Variants in SLC8A2 observed in about 807,000 individuals in gnomAD.
SLC8A2 encodes the protein sodium/calcium exchanger 2.
A neutral mutation model predicts 70.2 loss-of-function variants in SLC8A2; 14 were observed. The observed-to-expected ratio is 0.20, with a 90% CI of 0.13 to 0.31. The LOEUF is 0.31. Ranked by LOEUF, SLC8A2 falls within the 10% of genes least tolerant of loss-of-function variation. The pLI is 1.00. For synonymous variants in SLC8A2, 575 were observed against 594.3 expected, an observed-to-expected ratio of 0.97 and a Z score of 0.47; for missense variants, 779 against 1,320.1, an observed-to-expected ratio of 0.59 and a Z score of 6.35.
At chr19:47,440,223 A>C (rs1430543430) in intron 6 of SLC8A2, among the ~76,000 whole-genome samples, 1 of 152,086 alleles carries the variant, frequency 6.6e-6, no homozygotes, top group Non-Finnish European at 1.5e-5. Flanking sequence ...TCAAAGTCCA[A>C]CTTTAGCTTT....
At chr19:47,459,672 CATGT>C (rs1388384060) in intron 2 of SLC8A2, among the ~76,000 whole-genome samples, 1 of 148,650 alleles carries the variant, frequency 6.7e-6, no homozygotes, top group Non-Finnish European at 1.5e-5. Flanking sequence ...TGTGTGTGTG[CATGT>C]GTGTGTGTGC....
intron 3 of SLC8A2, among the ~76,000 whole-genome samples, chr19:47,450,887 T>A (rs1430692818): frequency 2.0e-5 from 3 of 152,146 alleles, no homozygotes; most frequent in Non-Finnish European, 4.4e-5. Context: ...GAGGCACAGT[T>A]AGCTAGTGAT....
In SLC8A2 at chr19:47,468,151, TC is replaced by T. The variant is rs1192055186; in HGVS notation, c.-16-1733del. ...AGGTCCTGCCCAACCTGGCCCCGAC[TC>T]CCTCTCTGGCCTCTTTTCCCACCCT... On this transcript the variant is annotated intron_variant, in intron 1 of 9. Coordinates refer to ENST00000236877, the MANE Select transcript of SLC8A2 (RefSeq NM_015063.3). The surrounding 1 kb of genome is among the most constrained non-coding windows in gnomAD (Gnocchi z 5.1). Among the ~76,000 whole-genome samples, 2 of 150,514 alleles carry T rather than the reference TC, an allele frequency of 1.3e-5. No individual in the cohort carries two copies. The highest frequency in any genetic ancestry group is 6.6e-5 in the Admixed American group (1 of 15,068).
At chr19:47,463,799 C>T (rs192715045) in intron 2 of SLC8A2, among the ~76,000 whole-genome samples, 106 of 152,162 alleles carry the variant, frequency 7.0e-4, no homozygotes, top group African/African-American at 2.5e-3. Context: ...CTAACATTTA[C>T]TCTGTTTCAG....
At position 47,447,901 on chromosome 19, in the gene SLC8A2, A is replaced by T; in HGVS notation, c.1671T>A (p.Leu557=). ...CCGTGCCGTCCACCGTGCGGTAGGG[A>T]AGGCGCACGGTGCCGCGCGCGCCCG... ...RSSGARGTVR[L]PYRTVDGTAR... is the part of the protein sequence containing the mutation. Residue 557 remains leucine (L), a synonymous_variant, in exon 4 of 10, where the codon CTT becomes CTA. Coordinates refer to ENST00000236877, the MANE Select transcript of SLC8A2 (RefSeq NM_015063.3). The surrounding 1 kb of genome is among the most constrained non-coding windows in gnomAD (Gnocchi z 5.1). The T allele has an allele frequency of 6.3e-7, 1 of 1,584,300 alleles. No homozygotes were observed. Among genetic ancestry groups the T allele is most frequent in the Non-Finnish European group, 8.6e-7 (1 of 1,167,484 alleles).
At chr19:47,457,863 G>A (rs1431060849) in intron 2 of SLC8A2, among the ~76,000 whole-genome samples, 1 of 137,052 alleles carries the variant, frequency 7.3e-6, no homozygotes, top group African/African-American at 2.8e-5. Context: ...ATTTGAGACA[G>A]AGTCTTTCTC....
At position 47,461,176 on chromosome 19, in the gene SLC8A2, G is replaced by A. The variant is rs532414723; in HGVS notation, c.676-3582C>T. On this transcript the variant is annotated intron_variant, in intron 2 of 9. Transcript: ENST00000236877. The stretch of plus-strand genomic sequence containing the variant: ...CTGCACTCCAGCCTGGCGACCGAGC[G>A]AGACTCTGTTTCAAAAAAAAAAGAG... 9.9e-4 allele frequency among the ~76,000 whole-genome samples: 146 copies of A among 147,536 alleles called. 1 individual carries two copies. Among genetic ancestry groups the A allele is most frequent in the Middle Eastern group, 4.0e-3 (1 of 252 alleles).
At chr19:47,449,687 C>T (rs181762619) in intron 3 of SLC8A2, among the ~76,000 whole-genome samples, 17 of 152,188 alleles carry the variant, frequency 1.1e-4, no homozygotes, top group Admixed American at 6.5e-4. Context: ...ACTGGACAGC[C>T]GGACAGGGGA....
rs551347875 is a variant in SLC8A2 at position 47,457,304 on chromosome 19, G to A, written c.966C>T (p.Leu322=). Residue 322 remains leucine (L), a synonymous_variant, in exon 3 of 10, where the codon CTC becomes CTT. Transcript: ENST00000236877. ...GATCCTTGTCCGGGTGCTTCTGCTT[G>A]AGGTCCTTGAGGATCTGGATGACCT... The part of the protein sequence containing the change: ...RREVIQILKD[L]KQKHPDKDLE... The A allele has an allele frequency of 1.3e-6, 2 of 1,545,462 alleles. No individual in the cohort carries two copies. Among genetic ancestry groups the A allele is most frequent in the Non-Finnish European group, 1.7e-6 (2 of 1,145,128 alleles).
At chr19:47,441,211 A>T in intron 5 of SLC8A2, 25 bp from the exon 6 acceptor site, 1 of 1,612,018 alleles carries the variant, frequency 6.2e-7, no homozygotes, top group Non-Finnish European at 8.5e-7. Flanking sequence ...AGACAGGCAG[A>T]CAGTGAGATC....
intron 2 of SLC8A2, 151 bp from the exon 3 acceptor site, chr19:47,457,745 C>G (rs571283451): frequency 2.4e-6 from 1 of 410,652 alleles, no homozygotes; most frequent in South Asian, 9.0e-5. Context: ...CTTTCTGTTT[C>G]TTTTCTTTCT....
At chr19:47,460,115 TCAGTGCCCCACCCATGACCCCTAC>T (rs1192846256) in intron 2 of SLC8A2, among the ~76,000 whole-genome samples, 2 of 152,056 alleles carry the variant, frequency 1.3e-5, no homozygotes, top group African/African-American at 4.8e-5. Context: ...CCAAACGCCC[TCAGTGCCCCACCCATGACCCCTAC>T]CAGTGCCTCC....
In SLC8A2 at chr19:47,437,939, C is replaced by T; in HGVS notation, c.1920G>A (p.Glu640=). The change falls in exon 7 of 10, where the codon GAG becomes GAA. Residue 640 remains glutamate (E), a synonymous_variant. Coordinates refer to ENST00000236877, the MANE Select transcript of SLC8A2 (RefSeq NM_015063.3). ...DGDRKLTAEE[E]EARRIAEMGK... ...CCATCTCTGCTATCCTCCGAGCCTC[C>T]TCCTCCTCGGCTGTTAGCTTCCTGT... 6.2e-7 allele frequency: 1 copy of T among 1,614,124 alleles called. No individual in the cohort carries two copies.
Position 47,432,234 on chromosome 19 carries a change from G to C in SLC8A2, c.2322C>G (p.Gly774=). 6.2e-7 allele frequency: 1 copy of C among 1,614,076 alleles called. No homozygotes were observed. Among genetic ancestry groups the C allele is most frequent in the Non-Finnish European group, 8.5e-7 (1 of 1,179,950 alleles). The change falls in exon 9 of 10, where the codon GGC becomes GGG. Residue 774 remains glycine (G), a synonymous_variant. Transcript: ENST00000236877. The surrounding 1 kb of genome is among the most constrained non-coding windows in gnomAD (Gnocchi z 6.2). ...ALIGDLASHF[G]CTVGLKDSVN... is the part of the protein sequence containing the mutation. Reference sequence around the variant, plus strand: ...CAGAGTCCTTGAGGCCAACGGTGCAGCCGAAGTGGGAGGCGAGGTCCCCAA... The same window carrying C: ...CAGAGTCCTTGAGGCCAACGGTGCACCCGAAGTGGGAGGCGAGGTCCCCAA...
rs536221662 is a variant in SLC8A2 at position 47,437,786 on chromosome 19, C to T, written c.2010+63G>A. On this transcript the variant is annotated intron_variant, in intron 7 of 9. Coordinates refer to ENST00000236877, the MANE Select transcript of SLC8A2 (RefSeq NM_015063.3). ...AGGAACCTTGTGGCTCCCCGCTTTC[C>T]GGACCCTCCCCAAGGAAATGAACCA... 8.7e-5 allele frequency: 140 copies of T among 1,601,730 alleles called. No homozygotes were observed. In the African/African-American group the frequency reaches 1.3e-3, roughly 15 times the overall value.
Position 47,457,570 on chromosome 19 carries a change from C to T in SLC8A2, c.700G>A (p.Val234Ile), listed in dbSNP as rs754042207. ...AATACCACGCACACCGGGAAGAAGA[C>T]CAGGGTCAGCAGCGCCTCCCACACC... ...VQVWEALLTLVFFPVCVVFAW... is the reference protein window; with the variant it reads ...VQVWEALLTLIFFPVCVVFAW... The change falls in exon 3 of 10, where the codon GTC (valine) becomes ATC (isoleucine). Residue 234 changes from valine (V) to isoleucine (I), a missense_variant. Physicochemically the swap from Val to Ile is conservative, Grantham distance 29. Transcript: ENST00000236877. 1.9e-6 allele frequency: 3 copies of T among 1,577,948 alleles called. No individual in the cohort carries two copies. In the Admixed American group the frequency reaches 5.4e-5, roughly 28 times the overall value.
chr19:47,456,900 C>T, intron 3 of SLC8A2, 30 bp downstream of exon 3: 1 of 1,555,224 alleles, frequency 6.4e-7, no homozygotes, highest in South Asian at 1.2e-5. Context: ...GCGCCAGCCC[C>T]CTGCACACCC....
chr19:47,453,613 G>C (rs1967270108), intron 3 of SLC8A2, among the ~76,000 whole-genome samples: 1 of 152,260 alleles, frequency 6.6e-6, no homozygotes, highest in Non-Finnish European at 1.5e-5. Flanking sequence ...CAAACATCTT[G>C]GTCCTGGCCA....
chr19:47,449,739 C>T (rs1003232998), intron 3 of SLC8A2, among the ~76,000 whole-genome samples: 1 of 152,114 alleles, frequency 6.6e-6, no homozygotes, highest in African/African-American at 2.4e-5. Context: ...CGAGGAACTG[C>T]AGGGAGACCA....
Sources: gnomAD v4.1 joint callset for allele counts (sites outside exome capture counted in the v4.1 genomes callset) on GRCh38, gnomAD v4.1.1 for gene constraint, Gnocchi (gnomAD v3.1) non-coding constraint, MANE v1.5 for transcripts, NCBI Gene and HGNC (gene_info 2026-07-23, HGNC 2026-07-21) for gene names.